ABCA13: variants seen among roughly 807,000 people sequenced by gnomAD.
ABCA13 encodes ATP binding cassette subfamily A member 13.
ABCA13 carries 476 observed loss-of-function variants against 478.7 expected under a neutral mutation model. The ratio of observed to expected loss-of-function variants is 0.99; its 90% CI spans 0.92 to 1.07. ABCA13 has a LOEUF of 1.07. ABCA13 is among the 50% of genes least tolerant of loss of function. ABCA13 has a pLI of 0.00. For synonymous variants in ABCA13, 2,252 were observed against 2,158.9 expected (o/e 1.04, Z -1.20); for missense variants, 6,060 against 5,910.6 (o/e 1.03, Z -0.83).
chr7:48,561,497 T>A (rs1370278077), intron 55 of ABCA13, among the ~76,000 whole-genome samples: 2 of 152,198 alleles, frequency 1.3e-5, no homozygotes, highest in African/African-American at 4.8e-5. Context: ...ATTAGAAATG[T>A]TGAACATTTC....
Position 48,275,238 on chromosome 7 carries a change from A to G in ABCA13, c.5572A>G (p.Ile1858Val). The stretch of plus-strand genomic sequence containing the variant: ...TTCCTTTTATGGCAAAGTGGCCAGT[A>G]TACTTGATCATTTCCACCTGTCTCC... ...SSSFYGKVASILDHFHLSPQG... is the reference protein window; with the variant it reads ...SSSFYGKVASVLDHFHLSPQG... The change falls in exon 17 of 62, where the codon ATA becomes GTA. Residue 1858 changes from isoleucine (I) to valine (V), a missense_variant. Transcript: ENST00000435803. 2 of 1,613,902 alleles carry G rather than the reference A, an allele frequency of 1.2e-6. No homozygotes were observed. Among genetic ancestry groups the G allele is most frequent in the African/African-American group, 1.3e-5 (1 of 75,038 alleles).
intron 15 of ABCA13, among the ~76,000 whole-genome samples, chr7:48,263,222 G>A (rs1328360167): frequency 6.6e-6 from 1 of 151,896 alleles, no homozygotes; most frequent in African/African-American, 2.4e-5. Flanking sequence ...GCACAGGAAA[G>A]TTTGAGAAGC....
chr7:48,615,047 A>T (rs1408484604), intron 58 of ABCA13, among the ~76,000 whole-genome samples: 1 of 150,956 alleles, frequency 6.6e-6, no homozygotes, highest in Admixed American at 6.7e-5. Context: ...ATAATAAAAT[A>T]AAAAAATAAA....
intron 31 of ABCA13, among the ~76,000 whole-genome samples, chr7:48,354,440 A>T (rs1416776564): frequency 6.6e-6 from 1 of 152,034 alleles, no homozygotes; most frequent in East Asian, 1.9e-4. Flanking sequence ...ATTCCTACTG[A>T]TCATAGTGTA....
intron 28 of ABCA13, among the ~76,000 whole-genome samples, chr7:48,335,849 A>G (rs1806176458): frequency 1.3e-5 from 2 of 152,224 alleles, no homozygotes; most frequent in South Asian, 2.1e-4. Flanking sequence ...TCAACAATCA[A>G]TGATCATTTC....
At position 48,273,453 on chromosome 7, in the gene ABCA13, G is replaced by C; in HGVS notation, c.3787G>C (p.Ala1263Pro). 1 of 1,612,148 alleles carries C rather than the reference G, an allele frequency of 6.2e-7. No homozygotes were observed. The highest frequency in any genetic ancestry group is 8.5e-7 in the Non-Finnish European group (1 of 1,178,972). Residue 1263 changes from alanine (A) to proline (P), a missense_variant, in exon 17 of 62, where the codon GCC becomes CCC. This residue lies in a region of ABCA13 where 4,423 missense variants were observed against 4,309.1 expected (regional missense o/e 1.03). Coordinates refer to ENST00000435803, the MANE Select transcript of ABCA13 (RefSeq NM_152701.5). The part of the protein sequence containing the change: ...VEKSLFTMEA[A>P]LHQLKTFPFN... ...GAAATCCCTTTTCACCATGGAAGCTGCCCTGCATCAGTTGAAGACATTTCC... is the reference window on the plus strand; with the variant it reads ...GAAATCCCTTTTCACCATGGAAGCTCCCCTGCATCAGTTGAAGACATTTCC...
chr7:48,554,433 A>G (rs532692235), intron 55 of ABCA13, among the ~76,000 whole-genome samples: 1 of 152,170 alleles, frequency 6.6e-6, no homozygotes, highest in African/African-American at 2.4e-5. Context: ...TATTCTAACA[A>G]TATTGATTCT....
At chr7:48,564,552 A>G (rs1786830694) in intron 55 of ABCA13, among the ~76,000 whole-genome samples, 1 of 151,944 alleles carries the variant, frequency 6.6e-6, no homozygotes, top group African/African-American at 2.4e-5. Flanking sequence ...TAGTAAGTTT[A>G]CCTTCCCTTG....
At chr7:48,634,749 G>A (rs1794485494) in intron 59 of ABCA13, among the ~76,000 whole-genome samples, 1 of 152,018 alleles carries the variant, frequency 6.6e-6, no homozygotes, top group Non-Finnish European at 1.5e-5. Flanking sequence ...TTTCTTACAT[G>A]TTAATGGAAG....
At chr7:48,358,495 T>G (rs1810321808) in intron 31 of ABCA13, among the ~76,000 whole-genome samples, 1 of 151,988 alleles carries the variant, frequency 6.6e-6, no homozygotes, top group South Asian at 2.1e-4. Context: ...CAAAACACCC[T>G]CATTTAGATC....
At chr7:48,350,584 G>A (rs1380980598) in intron 29 of ABCA13, 59 bp from the exon 30 acceptor site, 2 of 1,450,740 alleles carry the variant, frequency 1.4e-6, no homozygotes, top group Non-Finnish European at 1.8e-6. Context: ...CACTATATGA[G>A]TGGTAAGCAC....
chr7:48,203,920 C>T (rs1354743573), intron 3 of ABCA13, among the ~76,000 whole-genome samples: 1 of 152,156 alleles, frequency 6.6e-6, no homozygotes, highest in African/African-American at 2.4e-5. Context: ...CTACTGGTCT[C>T]ATTTGGTGGT....
chr7:48,192,490 T>A (rs1035820211), intron 1 of ABCA13, among the ~76,000 whole-genome samples: 6 of 152,182 alleles, frequency 3.9e-5, no homozygotes, highest in Non-Finnish European at 8.8e-5. Context: ...ACAAGTAAGC[T>A]GATAGTTATA....
chr7:48,519,925 G>A, intron 52 of ABCA13, 116 bp from the exon 53 acceptor site: 1 of 1,048,960 alleles, frequency 9.5e-7, no homozygotes, highest in Non-Finnish European at 1.3e-6. Flanking sequence ...TGAATAGTTG[G>A]GATAGGGAAG....
intron 24 of ABCA13, among the ~76,000 whole-genome samples, chr7:48,311,709 C>G (rs893614022): frequency 6.6e-6 from 1 of 152,096 alleles, no homozygotes; most frequent in East Asian, 1.9e-4. Flanking sequence ...TATCAGGTAC[C>G]TTCTATATGA....
rs1174249318 is a variant in ABCA13, at chr7:48,333,775, G to A, written c.10000-1647G>A. 2.6e-5 allele frequency among the ~76,000 whole-genome samples: 4 copies of A among 152,216 alleles called. No homozygotes were observed. The East Asian group carries it at 7.7e-4, about 29-fold the overall frequency. ...TGGGGAGATGGAGCCTCCAGCAGTT[G>A]GAGAAGAAGGGGACTTCTTAGGAGC... On this transcript the variant is annotated intron_variant, in intron 27 of 61. Coordinates refer to ENST00000435803, the MANE Select transcript of ABCA13 (RefSeq NM_152701.5).
At position 48,283,818 on chromosome 7, in the gene ABCA13, G is replaced by A. The variant is rs927923278; in HGVS notation, c.8836+2366G>A. Among the ~76,000 whole-genome samples, 11 of 152,176 alleles carry A rather than the reference G, an allele frequency of 7.2e-5. No individual in the cohort carries two copies. In the East Asian group the frequency reaches 9.6e-4, roughly 13 times the overall value. On this transcript the variant is annotated intron_variant, in intron 19 of 61. Transcript: ENST00000435803. ...CATGACTGTTAAAACAAGTGATGTCGTGAGAAGTGCTGTAATGGAAGAAGC... is the reference window on the plus strand; with the variant it reads ...CATGACTGTTAAAACAAGTGATGTCATGAGAAGTGCTGTAATGGAAGAAGC...
intron 1 of ABCA13, among the ~76,000 whole-genome samples, chr7:48,177,820 T>C (rs1270391704): frequency 6.6e-6 from 1 of 152,232 alleles, no homozygotes; most frequent in Non-Finnish European, 1.5e-5. Flanking sequence ...ATCTTCCTAC[T>C]TGTCATTAAA....
intron 35 of ABCA13, among the ~76,000 whole-genome samples, chr7:48,377,771 ATGAGT>A (rs1178006019): frequency 3.3e-5 from 5 of 152,234 alleles, no homozygotes; most frequent in African/African-American, 7.2e-5. Flanking sequence ...GATAAAACAA[ATGAGT>A]TGAGAAGGCC....
Sources: gnomAD v4.1 joint callset for allele counts (sites outside exome capture counted in the v4.1 genomes callset) on GRCh38, gnomAD v4.1.1 for gene constraint, gnomAD v4.1.1 regional missense constraint, MANE v1.5 for transcripts, NCBI Gene and HGNC (gene_info 2026-07-23, HGNC 2026-07-21) for gene names.